The following SPNS2 variants were observed in gnomAD, a reference collection of about 807,000 sequenced individuals.
SPNS2 encodes SPNS lysolipid transporter 2, sphingosine-1-phosphate, also known as sphingosine-1-phosphate transporter SPNS2.
Under a neutral mutation model 57.6 loss-of-function variants are expected in SPNS2, and 37 were observed. The ratio of observed to expected loss-of-function variants is 0.64; its 90% CI spans 0.49 to 0.85. The LOEUF is 0.85. SPNS2 is among the 40% of genes least tolerant of loss of function. The pLI is 0.00. For missense variants in SPNS2, 831 were observed against 779.1 expected (o/e 1.07, Z -0.79); for synonymous variants, 440 against 346.9 (o/e 1.27, Z -2.98).
intron 1 of SPNS2, among the ~76,000 whole-genome samples, chr17:4,509,519 C>G (rs1904773689): frequency 6.6e-6 from 1 of 152,238 alleles, no homozygotes; most frequent in South Asian, 2.1e-4. Flanking sequence ...CAGAGCTGTT[C>G]TCACCACCAG....
rs763007985 is a variant in SPNS2, at chr17:4,499,258, C to CCCCCCGGCA, written c.229_237dup (p.Thr77_Gly79dup). The CCCCCCGGCA allele has an allele frequency of 9.6e-5, 141 of 1,461,484 alleles. No individual in the cohort carries two copies. Among genetic ancestry groups the CCCCCCGGCA allele is most frequent in the South Asian group, 4.7e-4 (36 of 76,078 alleles). The allele number at this position is 1,461,484 out of a possible 1,614,324, so 90.5% of individuals were successfully genotyped here. A position where few individuals can be genotyped will look rare whatever the true frequency, so the allele number is the denominator to read the frequency against. ...CAGCGTAAGGCGGGCCCCGACCGGA[C>CCCCCCGGCA]CCCCCGGCACCCCCGGCACCCCCGG... On this transcript the variant is annotated inframe_insertion, in exon 1 of 13. Transcript: ENST00000329078. This position sits in a 1 kb window ranked among gnomAD's most constrained non-coding sequence, Gnocchi z 5.2.
At chr17:4,501,171 C>G (rs1904495210) in intron 1 of SPNS2, among the ~76,000 whole-genome samples, 1 of 152,218 alleles carries the variant, frequency 6.6e-6, no homozygotes, top group Non-Finnish European at 1.5e-5. Context: ...CAGTAAGGCT[C>G]TGCCTGGGAG....
chr17:4,524,919 C>A, intron 2 of SPNS2, 138 bp from the exon 3 acceptor site: 3 of 1,246,462 alleles, frequency 2.4e-6, no homozygotes, highest in Admixed American at 2.6e-5. Context: ...GGGTGCAGGT[C>A]GGGCCGAGGT....
intron 1 of SPNS2, among the ~76,000 whole-genome samples, chr17:4,501,766 C>A (rs1161234688): frequency 6.6e-6 from 1 of 152,194 alleles, no homozygotes; most frequent in Non-Finnish European, 1.5e-5. Flanking sequence ...GCACCTGTTG[C>A]TGGCTGGCCC....
intron 9 of SPNS2, among the ~76,000 whole-genome samples, chr17:4,535,483 C>T (rs1254203906): frequency 6.6e-6 from 1 of 152,188 alleles, no homozygotes; most frequent in Non-Finnish European, 1.5e-5. Context: ...CTCTAGACCT[C>T]AGTGTCCCCG....
chr17:4,527,486 C>T (rs143803402), intron 3 of SPNS2, among the ~76,000 whole-genome samples: 185 of 152,196 alleles, frequency 1.2e-3, no homozygotes, highest in Middle Eastern at 3.4e-3. Context: ...AATAAAGTCC[C>T]GATAGGGGAA....
intron 2 of SPNS2, among the ~76,000 whole-genome samples, chr17:4,518,794 C>T (rs1433854199): frequency 6.6e-6 from 1 of 151,926 alleles, no homozygotes; most frequent in Non-Finnish European, 1.5e-5. Flanking sequence ...GCCAGCCCAG[C>T]GACTCCTGCT....
chr17:4,507,548 CAT>C (rs1313523893), intron 1 of SPNS2, among the ~76,000 whole-genome samples: 1 of 152,212 alleles, frequency 6.6e-6, no homozygotes, highest in Non-Finnish European at 1.5e-5. Flanking sequence ...CAAATTAAGC[CAT>C]ATTACAGAGG....
chr17:4,536,464 GGAAGCAGGGACCGT>G, intron 11 of SPNS2, 38 bp downstream of exon 11: 1 of 1,574,390 alleles, frequency 6.4e-7, no homozygotes, highest in Non-Finnish European at 8.6e-7. Context: ...TGCACCGCCG[GGAAGCAGGGACCGT>G]GATAGCCACC....
intron 3 of SPNS2, among the ~76,000 whole-genome samples, chr17:4,527,429 T>C (rs1257771898): frequency 2.6e-5 from 4 of 152,244 alleles, no homozygotes; most frequent in African/African-American, 9.6e-5. Flanking sequence ...TATCTATCCA[T>C]CTGGATTGAA....
At chr17:4,526,382 C>A (rs2066284885) in intron 3 of SPNS2, among the ~76,000 whole-genome samples, 1 of 152,074 alleles carries the variant, frequency 6.6e-6, no homozygotes, top group South Asian at 2.1e-4. Context: ...GCGGGTGGAT[C>A]CCCTGAGGTC....
Position 4,511,078 on chromosome 17 carries a change from GAACTTAGCGGGAAGCGGT to G in SPNS2, c.371-2164_371-2147del, listed in dbSNP as rs1245228385. ...CTTCAAAGCCTCACGCAGTTCCTTG[GAACTTAGCGGGAAGCGGT>G]AACTAGCGGCTCTCAGCTCAGGAGG... On this transcript the variant is annotated intron_variant, in intron 1 of 12. Transcript: ENST00000329078. This position sits in a 1 kb window ranked among gnomAD's most constrained non-coding sequence, Gnocchi z 4.6. 7.2e-5 allele frequency among the ~76,000 whole-genome samples: 11 copies of G among 152,328 alleles called. No individual in the cohort carries two copies. Among genetic ancestry groups the G allele is most frequent in the African/African-American group, 2.6e-4 (11 of 41,562 alleles).
At chr17:4,527,832 G>A (rs192844147) in intron 3 of SPNS2, among the ~76,000 whole-genome samples, 184 of 152,066 alleles carry the variant, frequency 1.2e-3, no homozygotes, top group Non-Finnish European at 1.5e-3. Context: ...AGAGCGAAAC[G>A]GCAGGATATT....
In SPNS2 at chr17:4,511,567, T is replaced by C. The variant is rs980880589; in HGVS notation, c.371-1680T>C. Among the ~76,000 whole-genome samples the C allele has an allele frequency of 6.6e-6, 1 of 152,196 alleles. No homozygotes were observed. The highest frequency in any genetic ancestry group is 1.5e-5 in the Non-Finnish European group (1 of 68,024). On this transcript the variant is annotated intron_variant, in intron 1 of 12. Coordinates refer to ENST00000329078, the MANE Select transcript of SPNS2 (RefSeq NM_001124758.3). The surrounding 1 kb of genome is among the most constrained non-coding windows in gnomAD (Gnocchi z 4.6). ...TTGTGGGGCTGTGAGCCTCTGGGGCTGGGTCAGGGCACCTCAGAGGTCCCT... is the reference window on the plus strand; with the variant it reads ...TTGTGGGGCTGTGAGCCTCTGGGGCCGGGTCAGGGCACCTCAGAGGTCCCT...
At chr17:4,515,153 G>C (rs1204172388) in intron 2 of SPNS2, among the ~76,000 whole-genome samples, 2 of 152,142 alleles carry the variant, frequency 1.3e-5, no homozygotes, top group Non-Finnish European at 2.9e-5. Flanking sequence ...CTGCGGTTCT[G>C]TCCCAGGCTG....
In SPNS2 at chr17:4,499,246, GC is replaced by G; in HGVS notation, c.203del (p.Pro68ArgfsTer102). 6.8e-7 allele frequency: 1 copy of G among 1,469,494 alleles called. No individual in the cohort carries two copies. The highest frequency in any genetic ancestry group is 8.9e-7 in the Non-Finnish European group (1 of 1,117,764). The allele number at this position is 1,469,494 out of a possible 1,614,324, so 91.0% of individuals were successfully genotyped here. A position where few individuals can be genotyped will look rare whatever the true frequency, so the allele number is the denominator to read the frequency against. On this transcript the variant is annotated frameshift_variant, in exon 1 of 13. Transcript: ENST00000329078. LOFTEE classifies it high-confidence loss of function. The surrounding 1 kb of genome is among the most constrained non-coding windows in gnomAD (Gnocchi z 5.2). ...GACGCTGTCGGGCAGCGTAAGGCGG[GC>G]CCCGACCGGACCCCCCGGCACCCCC... ...VQTLSGSVRRAPTGPPGTPGT... is the reference protein window; with the variant it reads ...VQTLSGSVRRXPTGPPGTPGT...
rs1906029276 is a variant in SPNS2, at chr17:4,538,772, T to C, written c.*1324T>C. On this transcript the variant is annotated 3_prime_UTR_variant, in exon 13 of 13. Coordinates refer to ENST00000329078, the MANE Select transcript of SPNS2 (RefSeq NM_001124758.3). ...GGTGGAATACTCACCCACCAAGCTC[T>C]GGGGTACCCCGAGGGCCTGACAAGA... 4.1e-6 allele frequency: 3 copies of C among 733,794 alleles called. No individual in the cohort carries two copies. Among genetic ancestry groups the C allele is most frequent in the Non-Finnish European group, 7.4e-6 (3 of 405,660 alleles). 45.5% of individuals were successfully genotyped at this position (733,794 alleles called of 1,614,324 possible).
rs946694115 is a variant in SPNS2, at chr17:4,538,751, G to A, written c.*1303G>A. The stretch of plus-strand genomic sequence containing the variant: ...GGCTTCAGTGGTGTGTAAGCAGGTG[G>A]AATACTCACCCACCAAGCTCTGGGG... On this transcript the variant is annotated 3_prime_UTR_variant, in exon 13 of 13. Transcript: ENST00000329078. 2.8e-6 allele frequency: 2 copies of A among 713,878 alleles called. No homozygotes were observed. Among genetic ancestry groups the A allele is most frequent in the Admixed American group, 2.2e-5 (1 of 44,682 alleles). The allele number at this position is 713,878 out of a possible 1,614,324, so 44.2% of individuals were successfully genotyped here.
chr17:4,499,167 C>T lies in SPNS2; in HGVS notation c.120C>T (p.Cys40=). Residue 40 remains cysteine, a synonymous_variant, in exon 1 of 13, where the codon TGC becomes TGT. Transcript: ENST00000329078. This position sits in a 1 kb window ranked among gnomAD's most constrained non-coding sequence, Gnocchi z 5.2. ...GAGGGGCTGGCGGTAGCGGTTGCTG[C>T]GGGGCGCGGGGCGCGGGCGGCGCTG... ...AQRGAGGSGC[C]GARGAGGAGV... The T allele has an allele frequency of 1.6e-6, 2 of 1,221,172 alleles. No individual in the cohort carries two copies. The highest frequency in any genetic ancestry group is 2.0e-6 in the Non-Finnish European group (2 of 981,716). 75.6% of individuals were successfully genotyped at this position (1,221,172 alleles called of 1,614,324 possible).
Sources: allele counts gnomAD v4.1 joint callset (sites outside exome capture counted in the v4.1 genomes callset), GRCh38; gene constraint gnomAD v4.1.1; non-coding constraint Gnocchi (gnomAD v3.1); transcripts MANE v1.5; gene names NCBI Gene and HGNC (gene_info 2026-07-23, HGNC 2026-07-21).